PCDH9: variants seen among roughly 807,000 people sequenced by gnomAD.
PCDH9 encodes the protein protocadherin 9.
In PCDH9, 24 loss-of-function variants were observed where a neutral mutation model predicts 70.6. The ratio of observed to expected loss-of-function variants is 0.34; its 90% CI spans 0.25 to 0.48. PCDH9 has a LOEUF of 0.48. Among genes scored for constraint, PCDH9 ranks in the 20% least tolerant of loss-of-function variants. The probability of loss-of-function intolerance (pLI) is 0.99; values close to 1 mark genes in which losing one functional copy is unlikely to be tolerated. For synonymous variants in PCDH9, 562 were observed against 558.5 expected, an observed-to-expected ratio of 1.01 and a Z score of -0.09; for missense variants, 1,281 against 1,503.6, an observed-to-expected ratio of 0.85 and a Z score of 2.45.
At chr13:66,729,908 T>C (rs1257374375) in intron 3 of PCDH9, among the ~76,000 whole-genome samples, 1 of 152,196 alleles carries the variant, frequency 6.6e-6, no homozygotes, top group Admixed American at 6.5e-5. Flanking sequence ...GAGTAGACTA[T>C]AGAATACTTG....
At chr13:66,776,884 A>G (rs1806551513) in intron 3 of PCDH9, among the ~76,000 whole-genome samples, 3 of 140,318 alleles carry the variant, frequency 2.1e-5, no homozygotes, top group Admixed American at 1.5e-4. Flanking sequence ...AAACTATACT[A>G]CAAGGCTACA....
intron 3 of PCDH9, among the ~76,000 whole-genome samples, chr13:66,837,416 A>G (rs1013322119): frequency 6.6e-6 from 1 of 152,150 alleles, no homozygotes; most frequent in Admixed American, 6.5e-5. Flanking sequence ...GCCCACAACG[A>G]GGCAAAAACA....
At chr13:66,756,833 TTTATTA>T (rs772018243) in intron 3 of PCDH9, among the ~76,000 whole-genome samples, 100 of 152,202 alleles carry the variant, frequency 6.6e-4, no homozygotes, top group Admixed American at 7.2e-4. Flanking sequence ...ATTGATTTAT[TTTATTA>T]TTATAATTTT....
At chr13:67,196,661 A>G (rs2089072878) in intron 2 of PCDH9, among the ~76,000 whole-genome samples, 1 of 152,014 alleles carries the variant, frequency 6.6e-6, no homozygotes, top group Non-Finnish European at 1.5e-5. Flanking sequence ...AGTGCATTTT[A>G]ATGTATGATT....
intron 3 of PCDH9, among the ~76,000 whole-genome samples, chr13:66,892,594 G>A (rs542291823): frequency 6.6e-6 from 1 of 151,618 alleles, no homozygotes; most frequent in Non-Finnish European, 1.5e-5. Flanking sequence ...TGGCATGAAT[G>A]GAAAAAAGTA....
chr13:66,575,838 AT>A (rs1216466751), intron 4 of PCDH9, among the ~76,000 whole-genome samples: 1 of 150,834 alleles, frequency 6.6e-6, no homozygotes, highest in East Asian at 1.9e-4. Context: ...ATGCTATGTT[AT>A]TTTTTACCAG....
At chr13:67,200,950 T>C (rs2089196252) in intron 2 of PCDH9, 1 of 152,136 alleles carries the variant, frequency 6.6e-6, no homozygotes, top group Admixed American at 6.6e-5. Flanking sequence ...AAATCCTTAT[T>C]AGAAGACCAG....
At chr13:66,832,927 G>C (rs891267091) in intron 3 of PCDH9, among the ~76,000 whole-genome samples, 1 of 152,016 alleles carries the variant, frequency 6.6e-6, no homozygotes, top group African/African-American at 2.4e-5. Flanking sequence ...ACCTATACTT[G>C]CAGATGGAAC....
chr13:66,614,763 T>G (rs538128878), intron 4 of PCDH9, among the ~76,000 whole-genome samples: 1 of 152,186 alleles, frequency 6.6e-6, no homozygotes, highest in African/African-American at 2.4e-5. Context: ...CATTTTTACT[T>G]TCTGCAGAAA....
chr13:66,656,478 A>G (rs1593847280), intron 3 of PCDH9, among the ~76,000 whole-genome samples: 1 of 152,184 alleles, frequency 6.6e-6, no homozygotes, highest in Non-Finnish European at 1.5e-5. Context: ...AGGAAAAAAA[A>G]AATTCTGCAG....
chr13:66,884,600 C>G (rs1476110298), intron 3 of PCDH9, among the ~76,000 whole-genome samples: 3 of 152,096 alleles, frequency 2.0e-5, no homozygotes, highest in African/African-American at 7.2e-5. Context: ...GGCTTTCCTA[C>G]ATTATAATAT....
At chr13:66,556,206 T>C (rs1020705545) in intron 4 of PCDH9, among the ~76,000 whole-genome samples, 2 of 151,994 alleles carry the variant, frequency 1.3e-5, no homozygotes, top group Non-Finnish European at 2.9e-5. Flanking sequence ...CCGTGTTTTT[T>C]GACTCCATAT....
chr13:67,183,376 C>T (rs918778007), intron 2 of PCDH9, among the ~76,000 whole-genome samples: 7 of 152,104 alleles, frequency 4.6e-5, no homozygotes, highest in African/African-American at 1.7e-4. Context: ...CTTTCAAGTT[C>T]CTGCATTCAC....
chr13:67,042,375 C>T lies in PCDH9; in HGVS notation c.3037-138770G>A, dbSNP rs1481948063. Reference sequence around the variant, plus strand: ...CAAAGGAGAAACAAAGCACCTTCTTCACAAGGCAGCAGGAAGGAGAAGTGC... The same window carrying T: ...CAAAGGAGAAACAAAGCACCTTCTTTACAAGGCAGCAGGAAGGAGAAGTGC... On this transcript the variant is annotated intron_variant, in intron 2 of 4. Transcript: ENST00000377865. 1.3e-5 allele frequency among the ~76,000 whole-genome samples: 2 copies of T among 152,106 alleles called. 1 individual carries two copies. Among genetic ancestry groups the T allele is most frequent in the South Asian group, 4.2e-4 (2 of 4,816 alleles).
intron 4 of PCDH9, among the ~76,000 whole-genome samples, chr13:66,422,854 T>A (rs181810755): frequency 6.6e-6 from 1 of 152,074 alleles, no homozygotes; most frequent in African/African-American, 2.4e-5. Context: ...TAAAAAAATA[T>A]CAATGAATCC....
At chr13:67,154,556 A>T (rs878865797) in intron 2 of PCDH9, among the ~76,000 whole-genome samples, 1 of 141,308 alleles carries the variant, frequency 7.1e-6, no homozygotes. Flanking sequence ...AGACAGGGAA[A>T]CAGACGGAGA....
At chr13:66,346,783 T>A (rs9540718) in intron 4 of PCDH9, among the ~76,000 whole-genome samples, 67,261 of 152,006 alleles carry the variant, frequency 0.44, 16,325 homozygotes, top group East Asian at 0.62. Flanking sequence ...CCTGTGTTGG[T>A]GTGGCTTCTT....
intron 2 of PCDH9, among the ~76,000 whole-genome samples, chr13:66,967,214 A>G (rs562548809): frequency 7.0e-4 from 107 of 152,186 alleles, no homozygotes; most frequent in African/African-American, 2.3e-3. Flanking sequence ...AATGGTGAGG[A>G]GAAGAAATAG....
chr13:66,847,079 T>G lies in PCDH9; in HGVS notation c.3138+56425A>C, dbSNP rs116785411. ...AATAAAAATATGTCTAAATAACACA[T>G]CTTCTAAGTTGAATACACTAAACCT... is the stretch of plus-strand genomic sequence containing the variant. On this transcript the variant is annotated intron_variant, in intron 3 of 4. Transcript: ENST00000377865. 7.9e-3 allele frequency among the ~76,000 whole-genome samples: 1,210 copies of G among 152,264 alleles called. 12 individuals are homozygous for G. Among genetic ancestry groups the G allele is most frequent in the African/African-American group, 0.027 (1,129 of 41,550 alleles).
Sources: gnomAD v4.1 joint callset for allele counts (sites outside exome capture counted in the v4.1 genomes callset) on GRCh38, gnomAD v4.1.1 for gene constraint, MANE v1.5 for transcripts, NCBI Gene and HGNC (gene_info 2026-07-23, HGNC 2026-07-21) for gene names.